PLCB4: variants seen among roughly 807,000 people sequenced by gnomAD.
The protein encoded by PLCB4 is phospholipase C beta 4.
A neutral mutation model predicts 178.8 loss-of-function variants in PLCB4; 77 were observed. That is an observed-to-expected ratio of 0.43 (90% CI 0.36 to 0.52). PLCB4 has a LOEUF of 0.52. PLCB4 is among the 20% of genes least tolerant of loss of function. The pLI is 0.00. For missense variants in PLCB4, 1,024 were observed against 1,453.4 expected (o/e 0.70, Z 4.80); for synonymous variants, 496 against 490.8 (o/e 1.01, Z -0.14).
intron 2 of PLCB4, among the ~76,000 whole-genome samples, chr20:9,119,996 G>A (rs955555373): frequency 5.9e-5 from 9 of 152,188 alleles, no homozygotes; most frequent in African/African-American, 1.9e-4. Context: ...CAGCCGGTCG[G>A]ACACATGACC....
At chr20:9,363,667 C>A (rs2035534727) in intron 8 of PLCB4, among the ~76,000 whole-genome samples, 1 of 152,234 alleles carries the variant, frequency 6.6e-6, no homozygotes, top group African/African-American at 2.4e-5. Context: ...ACAAAGGAAT[C>A]CTAGCCAAAG....
chr20:9,159,749 A>T lies in PLCB4; in HGVS notation c.-78-57641A>T, dbSNP rs138476892. 3.9e-3 allele frequency among the ~76,000 whole-genome samples: 588 copies of T among 152,344 alleles called. 1 individual carries two copies. Among genetic ancestry groups the T allele is most frequent in the African/African-American group, 0.014 (569 of 41,586 alleles). ...TGGCTTGATGAAAGTTTTTACAGAC[A>T]TAAAGATGGTGAATGAAACTGGCTT... On this transcript the variant is annotated intron_variant, in intron 2 of 39. Coordinates refer to ENST00000378473, the MANE Select transcript of PLCB4 (RefSeq NM_001377142.1).
intron 32 of PLCB4, among the ~76,000 whole-genome samples, chr20:9,450,658 C>CTTTTTTTTTTTTTTT (rs60982044): frequency 1.4e-3 from 141 of 100,236 alleles, no homozygotes; most frequent in Non-Finnish European, 1.6e-3. Flanking sequence ...CTTTTCTTTT[C>CTTTTTTTTTTTTTTT]TTTTTTTTTT....
intron 21 of PLCB4, among the ~76,000 whole-genome samples, chr20:9,406,490 C>A (rs1325175670): frequency 1.3e-5 from 2 of 148,180 alleles, no homozygotes; most frequent in Admixed American, 6.8e-5. Flanking sequence ...ACAAATTGAC[C>A]ATTTTTTTTT....
chr20:9,120,642 T>A (rs2091930467), intron 2 of PLCB4, among the ~76,000 whole-genome samples: 1 of 152,132 alleles, frequency 6.6e-6, no homozygotes, highest in African/African-American at 2.4e-5. Flanking sequence ...GGTTTCCCCA[T>A]ATGTTCCTGC....
At chr20:9,290,992 G>A (rs748753456) in intron 3 of PLCB4, among the ~76,000 whole-genome samples, 82 of 152,194 alleles carry the variant, frequency 5.4e-4, no homozygotes, top group Non-Finnish European at 9.4e-4. Context: ...CACCTAGTTG[G>A]GACAGAGCTG....
Position 9,316,477 on chromosome 20 carries a change from A to G in PLCB4, c.84+8579A>G, listed in dbSNP as rs73897376. Among the ~76,000 whole-genome samples, 283 of 152,308 alleles carry G rather than the reference A, an allele frequency of 1.9e-3. 1 individual carries two copies. Among genetic ancestry groups the G allele is most frequent in the African/African-American group, 6.7e-3 (278 of 41,570 alleles). ...AAAGGATGATTCGTAGGCGGGGGCC[A>G]AAAGGTTGGAGAAGACCAGGACTTT... On this transcript the variant is annotated intron_variant, in intron 4 of 39. Transcript: ENST00000378473.
At chr20:9,365,421 T>A in intron 8 of PLCB4, 40 bp from the exon 9 acceptor site, 1 of 1,376,244 alleles carries the variant, frequency 7.3e-7, no homozygotes, top group Non-Finnish European at 1.0e-6. Context: ...CTGCTCCCTC[T>A]AAGAAACATT....
chr20:9,280,129 T>C (rs2094481942), intron 3 of PLCB4, among the ~76,000 whole-genome samples: 1 of 151,988 alleles, frequency 6.6e-6, no homozygotes, highest in Admixed American at 6.6e-5. Context: ...GCCAAAAGAC[T>C]GTTGCATAAA....
chr20:9,261,427 C>G (rs973009999), intron 3 of PLCB4, among the ~76,000 whole-genome samples: 1 of 152,044 alleles, frequency 6.6e-6, no homozygotes, highest in African/African-American at 2.4e-5. Flanking sequence ...ATACATATAA[C>G]CATTTTTAAA....
chr20:9,183,272 G>A (rs533782464), intron 2 of PLCB4, among the ~76,000 whole-genome samples: 1 of 152,210 alleles, frequency 6.6e-6, no homozygotes, highest in Admixed American at 6.5e-5. Flanking sequence ...TCCAGATTGG[G>A]TCACTAAGCC....
intron 2 of PLCB4, among the ~76,000 whole-genome samples, chr20:9,179,679 G>T (rs2093214127): frequency 6.6e-6 from 1 of 152,330 alleles, no homozygotes; most frequent in South Asian, 2.1e-4. Context: ...CCAAAGGTTG[G>T]CAGTCTAGAC....
intron 20 of PLCB4, among the ~76,000 whole-genome samples, chr20:9,404,828 AAGG>A (rs1315444446): frequency 1.3e-5 from 2 of 152,154 alleles, no homozygotes; most frequent in Non-Finnish European, 2.9e-5. Context: ...GACAGAGAAT[AAGG>A]AGGCAAGCTC....
At chr20:9,419,643 G>T (rs2040488653) in intron 25 of PLCB4, among the ~76,000 whole-genome samples, 164 bp from the exon 26 acceptor site, 1 of 152,166 alleles carries the variant, frequency 6.6e-6, no homozygotes, top group Non-Finnish European at 1.5e-5. Flanking sequence ...CTTTAAGGTT[G>T]TGCATAAGGG....
At chr20:9,120,396 G>A (rs959386511) in intron 2 of PLCB4, among the ~76,000 whole-genome samples, 5 of 152,064 alleles carry the variant, frequency 3.3e-5, no homozygotes. Flanking sequence ...CAAAAGTGCT[G>A]GGATTACAGG....
chr20:9,321,501 T>G (rs990155270), intron 4 of PLCB4, among the ~76,000 whole-genome samples: 10 of 152,318 alleles, frequency 6.6e-5, no homozygotes, highest in Admixed American at 6.5e-4. Flanking sequence ...AGACCATAAG[T>G]ATTATACTAC....
chr20:9,472,814 C>A lies in PLCB4; in HGVS notation c.3375C>A (p.Ser1125Arg). The change falls in exon 37 of 40, where the codon AGC becomes AGA. Residue 1125 changes from serine (S) to arginine (R), a missense_variant. Physicochemically the swap from Ser to Arg is moderately radical, Grantham distance 110. Coordinates refer to ENST00000378473, the MANE Select transcript of PLCB4 (RefSeq NM_001377142.1). The stretch of plus-strand genomic sequence containing the variant: ...GGCGAGTCAGGGAGTTAAACAGCAG[C>A]AACACTAAAAAGTTTCTGGAAGAAA... The part of the protein sequence containing the change: ...RERRVRELNS[S>R]NTKKFLEERK... The A allele has an allele frequency of 6.2e-7, 1 of 1,600,506 alleles. No individual in the cohort carries two copies. Among genetic ancestry groups the A allele is most frequent in the African/African-American group, 1.3e-5 (1 of 74,538 alleles).
At chr20:9,120,309 C>G (rs1157049975) in intron 2 of PLCB4, among the ~76,000 whole-genome samples, 1 of 152,046 alleles carries the variant, frequency 6.6e-6, no homozygotes, top group Non-Finnish European at 1.5e-5. Flanking sequence ...ATTCAAATTC[C>G]CATTTCATCT....
intron 7 of PLCB4, among the ~76,000 whole-genome samples, chr20:9,345,881 T>C (rs2033744644): frequency 6.6e-6 from 1 of 152,240 alleles, no homozygotes; most frequent in Admixed American, 6.5e-5. Context: ...AAAGTCAAAA[T>C]TGCTTTGCTA....
Sources: allele counts gnomAD v4.1 joint callset (sites outside exome capture counted in the v4.1 genomes callset), GRCh38; gene constraint gnomAD v4.1.1; transcripts MANE v1.5; gene names NCBI Gene and HGNC (gene_info 2026-07-23, HGNC 2026-07-21).